Variants in PLPPR1 observed in about 807,000 individuals in gnomAD.
The protein encoded by PLPPR1 is phospholipid phosphatase related 1.
A neutral mutation model predicts 33.1 loss-of-function variants in PLPPR1; 10 were observed. That is an observed-to-expected ratio of 0.30 (90% CI 0.19 to 0.51). The LOEUF (loss-of-function observed/expected upper bound fraction) is 0.51, where lower values mean the gene tolerates loss of function less well. Among genes scored for constraint, PLPPR1 ranks in the 20% least tolerant of loss-of-function variants. The probability of loss-of-function intolerance (pLI) is 0.97; values close to 1 mark genes in which losing one functional copy is unlikely to be tolerated. For missense variants in PLPPR1, 304 were observed against 408.1 expected (o/e 0.74, Z 2.20); for synonymous variants, 151 against 151.0 (o/e 1.00, Z 0.00).
intron 1 of PLPPR1, among the ~76,000 whole-genome samples, chr9:101,062,424 T>C (rs1470196843): frequency 1.3e-5 from 2 of 152,066 alleles, no homozygotes; most frequent in East Asian, 3.9e-4. Context: ...CAGGCTAATA[T>C]TCCTTTAATA....
chr9:101,033,207 G>C (rs1427441473), intron 1 of PLPPR1, among the ~76,000 whole-genome samples: 1 of 152,136 alleles, frequency 6.6e-6, no homozygotes, highest in African/African-American at 2.4e-5. Flanking sequence ...CCAGAATGGG[G>C]AAAAAACATA....
At chr9:101,299,337 G>C (rs1448108612) in intron 4 of PLPPR1, among the ~76,000 whole-genome samples, 1 of 152,190 alleles carries the variant, frequency 6.6e-6, no homozygotes, top group Non-Finnish European at 1.5e-5. Flanking sequence ...GATTGGGCTT[G>C]TGGCTGGGAT....
intron 1 of PLPPR1, among the ~76,000 whole-genome samples, chr9:101,135,464 A>C (rs1831366990): frequency 6.6e-6 from 1 of 152,096 alleles, no homozygotes; most frequent in Admixed American, 6.6e-5. Context: ...GCCAGGCTAA[A>C]TGGTCCAGTT....
intron 1 of PLPPR1, among the ~76,000 whole-genome samples, chr9:101,029,403 C>G (rs1261741269): frequency 6.6e-6 from 1 of 152,194 alleles, no homozygotes; most frequent in Non-Finnish European, 1.5e-5. Flanking sequence ...AGGCTCCCTC[C>G]GTCCCGTTCC....
intron 4 of PLPPR1, among the ~76,000 whole-genome samples, chr9:101,291,783 C>G (rs1828514506): frequency 6.6e-6 from 1 of 152,124 alleles, no homozygotes; most frequent in Non-Finnish European, 1.5e-5. Flanking sequence ...CACCAAAAAC[C>G]CATCTGTACA....
intron 1 of PLPPR1, among the ~76,000 whole-genome samples, chr9:101,181,118 ATATT>A (rs1171036774): frequency 6.8e-6 from 1 of 147,920 alleles, no homozygotes; most frequent in Non-Finnish European, 1.5e-5. Context: ...CAACAGATAT[ATATT>A]AGATATATTA....
At chr9:101,137,675 A>G (rs1265387480) in intron 1 of PLPPR1, among the ~76,000 whole-genome samples, 1 of 152,190 alleles carries the variant, frequency 6.6e-6, no homozygotes, top group Non-Finnish European at 1.5e-5. Flanking sequence ...AATATCCTCT[A>G]AAGAGCAGTC....
At chr9:101,043,962 TCATGAC>T (rs1297864406) in intron 1 of PLPPR1, among the ~76,000 whole-genome samples, 1 of 152,154 alleles carries the variant, frequency 6.6e-6, no homozygotes, top group Non-Finnish European at 1.5e-5. Context: ...GGCAAAGATT[TCATGAC>T]CAAGAACCCA....
chr9:101,120,754 T>G (rs1429035104), intron 1 of PLPPR1, among the ~76,000 whole-genome samples: 1 of 152,210 alleles, frequency 6.6e-6, no homozygotes, highest in Non-Finnish European at 1.5e-5. Flanking sequence ...CCCAAATGGC[T>G]TAAGAATCTC....
intron 2 of PLPPR1, among the ~76,000 whole-genome samples, chr9:101,240,130 T>C (rs1194866706): frequency 6.6e-6 from 1 of 152,012 alleles, no homozygotes; most frequent in Non-Finnish European, 1.5e-5. Context: ...AGTTTTTTTC[T>C]GCATCACTTA....
chr9:101,293,228 G>A (rs1313337016), intron 4 of PLPPR1, among the ~76,000 whole-genome samples: 1 of 141,728 alleles, frequency 7.1e-6, no homozygotes. Flanking sequence ...AATGGTAAAG[G>A]GATCAATTCA....
chr9:101,181,479 A>G (rs1644448500), intron 1 of PLPPR1, among the ~76,000 whole-genome samples: 1 of 151,102 alleles, frequency 6.6e-6, no homozygotes, highest in African/African-American at 2.4e-5. Flanking sequence ...ATCCAAAGGA[A>G]TTGAAATCAG....
intron 2 of PLPPR1, among the ~76,000 whole-genome samples, chr9:101,186,632 C>T (rs1826209006): frequency 1.3e-5 from 2 of 151,860 alleles, no homozygotes; most frequent in South Asian, 4.1e-4. Flanking sequence ...CTTTTATGTT[C>T]TCCAACTTGA....
chr9:101,119,151 A>G (rs1451387497), intron 1 of PLPPR1, among the ~76,000 whole-genome samples: 1 of 152,100 alleles, frequency 6.6e-6, no homozygotes. Flanking sequence ...CCCCAGCCTT[A>G]CCATGTTCTT....
chr9:101,196,028 G>A (rs1826387800), intron 2 of PLPPR1, among the ~76,000 whole-genome samples: 1 of 152,164 alleles, frequency 6.6e-6, no homozygotes. Flanking sequence ...ATTTTGCACA[G>A]GTAGCTGGTA....
chr9:101,055,580 C>T (rs1285136096), intron 1 of PLPPR1, among the ~76,000 whole-genome samples: 1 of 152,182 alleles, frequency 6.6e-6, no homozygotes, highest in East Asian at 1.9e-4. Context: ...TCTTCCTGCT[C>T]CATTATTTAT....
At chr9:101,157,173 A>G (rs2118663495) in intron 1 of PLPPR1, among the ~76,000 whole-genome samples, 1 of 152,302 alleles carries the variant, frequency 6.6e-6, no homozygotes, top group South Asian at 2.1e-4. Context: ...TTTGGTCCCC[A>G]CTTCACCTGA....
At chr9:101,316,629 G>T (rs1207426857) in intron 6 of PLPPR1, among the ~76,000 whole-genome samples, 2 of 84,792 alleles carry the variant, frequency 2.4e-5, no homozygotes, top group Admixed American at 1.2e-4. Flanking sequence ...AAAAAAAAAA[G>T]CAGGGAAGAT....
intron 4 of PLPPR1, 101 bp downstream of exon 4, chr9:101,286,337 CA>C: frequency 8.7e-7 from 1 of 1,150,192 alleles, no homozygotes; most frequent in Non-Finnish European, 1.2e-6. Flanking sequence ...ACATTAAAAG[CA>C]AGGGCTGCTT....
Sources: allele counts gnomAD v4.1 joint callset (sites outside exome capture counted in the v4.1 genomes callset), GRCh38; gene constraint gnomAD v4.1.1; transcripts MANE v1.5; gene names NCBI Gene and HGNC (gene_info 2026-07-23, HGNC 2026-07-21).